The following RFFL variants were observed in gnomAD, a reference collection of about 807,000 sequenced individuals.
RFFL encodes the protein E3 ubiquitin-protein ligase rififylin.
A neutral mutation model predicts 40.4 loss-of-function variants in RFFL; 16 were observed. That is an observed-to-expected ratio of 0.40 (90% CI 0.27 to 0.60). The LOEUF (loss-of-function observed/expected upper bound fraction) is 0.60. Ranked by LOEUF, RFFL falls within the 20% of genes least tolerant of loss-of-function variation. The pLI is 0.47. For synonymous variants in RFFL, 154 were observed against 167.9 expected (o/e 0.92, Z 0.64); for missense variants, 367 against 451.7 (o/e 0.81, Z 1.70).
intron 1 of RFFL, chr17:35,076,720 A>ATAATAATAG (rs1555564975): frequency 1.4e-5 from 2 of 146,718 alleles, no homozygotes; most frequent in East Asian, 3.9e-4. Flanking sequence ...AATAATAATA[A>ATAATAATAG]TAGTAACAGA....
intron 1 of RFFL, chr17:35,076,982 C>T: frequency 3.3e-6 from 1 of 306,996 alleles, no homozygotes; most frequent in South Asian, 3.7e-5. Flanking sequence ...AAGAGGGCAG[C>T]TGCTGCAGCA....
At chr17:35,086,201 T>C (rs557549102) in intron 1 of RFFL, among the ~76,000 whole-genome samples, 1 of 152,284 alleles carries the variant, frequency 6.6e-6, no homozygotes, top group African/African-American at 2.4e-5. Context: ...AGCTTGTCTT[T>C]AGGCTGGGCA....
intron 1 of RFFL, among the ~76,000 whole-genome samples, chr17:35,084,200 C>A (rs761524841): frequency 1.3e-5 from 2 of 152,174 alleles, no homozygotes; most frequent in Non-Finnish European, 2.9e-5. Context: ...GATCATGCCA[C>A]GCACTCTAGC....
chr17:35,065,668 G>C (rs3937429), upstream of RFFL, among the ~76,000 whole-genome samples: 39,326 of 151,890 alleles, frequency 0.26, 8,956 homozygotes, highest in African/African-American at 0.62. Context: ...GAACTCCTAA[G>C]TTGACTAAGA....
intron 1 of RFFL, among the ~76,000 whole-genome samples, chr17:35,059,646 A>C (rs2091280761): frequency 6.6e-6 from 1 of 152,204 alleles, no homozygotes; most frequent in Non-Finnish European, 1.5e-5. Flanking sequence ...GATGATCAAA[A>C]AATTCTTTCT....
intron 1 of RFFL, among the ~76,000 whole-genome samples, chr17:35,060,593 A>G (rs71381411): frequency 0.025 from 3,827 of 152,266 alleles, 166 homozygotes; most frequent in African/African-American, 0.086. Flanking sequence ...ACACCATAAA[A>G]ATGTCGTGAT....
intron 1 of RFFL, among the ~76,000 whole-genome samples, chr17:35,084,916 T>C (rs2091421891): frequency 1.3e-5 from 2 of 151,722 alleles, no homozygotes; most frequent in African/African-American, 4.8e-5. Flanking sequence ...CAAGACTCCA[T>C]CTCAAAATAA....
At chr17:35,087,097 C>T (rs2091434467) in intron 1 of RFFL, among the ~76,000 whole-genome samples, 1 of 152,168 alleles carries the variant, frequency 6.6e-6, no homozygotes, top group African/African-American at 2.4e-5. Flanking sequence ...CGGTGGCTCA[C>T]ATCTGTAATC....
rs150535455 is a variant in RFFL at position 35,059,486 on chromosome 17, T to C, written c.-9+4090A>G. Reference sequence around the variant, plus strand: ...CAAAAAAAAATATGTCCTCCTTTCCTGAATTACTAACCCACAAAATCATAG... The same window carrying C: ...CAAAAAAAAATATGTCCTCCTTTCCCGAATTACTAACCCACAAAATCATAG... On this transcript the variant is annotated intron_variant, in intron 1 of 6. Transcript: ENST00000394597. 7.6e-3 allele frequency among the ~76,000 whole-genome samples: 1,165 copies of C among 152,302 alleles called. 19 individuals are homozygous for C. The highest frequency in any genetic ancestry group is 0.026 in the African/African-American group (1,093 of 41,560).
chr17:35,018,218 CT>C (rs1397410331), intron 3 of RFFL, among the ~76,000 whole-genome samples: 6 of 152,188 alleles, frequency 3.9e-5, no homozygotes, highest in African/African-American at 1.4e-4. Context: ...TGGAAATGTG[CT>C]CCCCATGTTG....
At chr17:35,076,338 C>T (rs902845224) in intron 1 of RFFL, among the ~76,000 whole-genome samples, 1 of 151,992 alleles carries the variant, frequency 6.6e-6, no homozygotes, top group Non-Finnish European at 1.5e-5. Flanking sequence ...ACTGTGGGCA[C>T]ATTGCCTATA....
Position 35,026,393 on chromosome 17 carries a change from A to T in RFFL, c.161T>A (p.Phe54Tyr). ...ACTCACCTTCCTGGCCGTGTTTGCAAAGTGAGCCCCACAGGACTTGCAGCT... is the reference window on the plus strand; with the variant it reads ...ACTCACCTTCCTGGCCGTGTTTGCATAGTGAGCCCCACAGGACTTGCAGCT... ...EPSCKSCGAHFANTARKQTCL... is the reference protein window; with the variant it reads ...EPSCKSCGAHYANTARKQTCL... The change falls in exon 2 of 7, where the codon TTT becomes TAT. Residue 54 changes from phenylalanine (F) to tyrosine (Y), a missense_variant. Phe to Tyr is a conservative substitution (Grantham distance 22). Coordinates refer to ENST00000394597, the MANE Select transcript of RFFL (RefSeq NM_001017368.2). 6.2e-7 allele frequency: 1 copy of T among 1,613,978 alleles called. No individual in the cohort carries two copies. The highest frequency in any genetic ancestry group is 1.1e-5 in the South Asian group (1 of 91,078).
chr17:35,072,588 C>T (rs2091356333), intron 1 of RFFL, among the ~76,000 whole-genome samples: 1 of 127,622 alleles, frequency 7.8e-6, no homozygotes, highest in Non-Finnish European at 1.5e-5. Context: ...CACACACATG[C>T]ACACACACAC....
At chr17:35,047,517 C>T (rs781299630) in intron 1 of RFFL, among the ~76,000 whole-genome samples, 6 of 152,138 alleles carry the variant, frequency 3.9e-5, no homozygotes, top group Admixed American at 2.6e-4. Context: ...AAAGAAAGTA[C>T]TTTGTTAAGG....
chr17:35,076,141 G>A (rs1392546640), intron 1 of RFFL, among the ~76,000 whole-genome samples: 3 of 151,414 alleles, frequency 2.0e-5, no homozygotes, highest in South Asian at 2.1e-4. Flanking sequence ...CTACAGGCGC[G>A]TGCCACCACA....
At chr17:35,080,771 A>G (rs1010320279) in intron 1 of RFFL, among the ~76,000 whole-genome samples, 1 of 152,218 alleles carries the variant, frequency 6.6e-6, no homozygotes, top group Non-Finnish European at 1.5e-5. Context: ...CTGGCTGCCA[A>G]GTAGTTCAAA....
intron 1 of RFFL, among the ~76,000 whole-genome samples, chr17:35,054,151 CCT>C (rs1277131863): frequency 2.0e-5 from 3 of 152,174 alleles, no homozygotes; most frequent in Admixed American, 6.5e-5. Context: ...ACCTTCCACC[CCT>C]GTCATACCCT....
chr17:35,013,045 C>A (rs1434347433), intron 6 of RFFL, among the ~76,000 whole-genome samples: 1 of 152,256 alleles, frequency 6.6e-6, no homozygotes, highest in Non-Finnish European at 1.5e-5. Flanking sequence ...GTGTGCCAGG[C>A]AGGGTCCTGA....
rs765457166 is a variant in RFFL, at chr17:35,016,382, G to A, written c.874C>T (p.Leu292Phe). 2 of 1,614,140 alleles carry A rather than the reference G, an allele frequency of 1.2e-6. No individual in the cohort carries two copies. Among genetic ancestry groups the A allele is most frequent in the Admixed American group, 1.7e-5 (1 of 60,022 alleles). The change falls in exon 5 of 7, where the codon CTC becomes TTC. Residue 292 changes from leucine to phenylalanine, a missense_variant. By Grantham distance (22) the Leu-to-Phe change is conservative. Coordinates refer to ENST00000394597, the MANE Select transcript of RFFL (RefSeq NM_001017368.2). ...GATAGCCCCTCACCCAGGTGCTGGA[G>A]TCCTTTCTGATCCTTGTATAGCCGG... ...VTRLYKDQKGLQHLVSGAEDQ... is the reference protein window; with the variant it reads ...VTRLYKDQKGFQHLVSGAEDQ...
Sources: gnomAD v4.1 joint callset for allele counts (sites outside exome capture counted in the v4.1 genomes callset) on GRCh38, gnomAD v4.1.1 for gene constraint, MANE v1.5 for transcripts, NCBI Gene and HGNC (gene_info 2026-07-23, HGNC 2026-07-21) for gene names.